Variants in L3MBTL4 observed in about 807,000 individuals in gnomAD.
The protein encoded by L3MBTL4 is lethal(3)malignant brain tumor-like protein 4.
L3MBTL4 carries 70 observed loss-of-function variants against 84.5 expected under a neutral mutation model. The ratio of observed to expected loss-of-function variants is 0.83; its 90% CI spans 0.68 to 1.01. L3MBTL4 has a LOEUF of 1.01. Among genes scored for constraint, L3MBTL4 ranks in the 50% least tolerant of loss-of-function variants. The pLI is 0.00. For synonymous variants in L3MBTL4, 274 were observed against 259.8 expected, an observed-to-expected ratio of 1.05 and a Z score of -0.52; for missense variants, 715 against 754.8, an observed-to-expected ratio of 0.95 and a Z score of 0.62.
intron 12 of L3MBTL4, among the ~76,000 whole-genome samples, chr18:6,205,552 T>TAATAGG (rs1341479875): frequency 1.3e-5 from 2 of 152,346 alleles, no homozygotes; most frequent in East Asian, 3.9e-4. Flanking sequence ...GTTAAAGTAG[T>TAATAGG]AATAGGAAAG....
At chr18:6,297,325 G>C (rs1568453727) in intron 4 of L3MBTL4, among the ~76,000 whole-genome samples, 1 of 152,174 alleles carries the variant, frequency 6.6e-6, no homozygotes, top group Non-Finnish European at 1.5e-5. Context: ...GTGATATTCT[G>C]GGCTGTCTTG....
intron 14 of L3MBTL4, among the ~76,000 whole-genome samples, chr18:6,102,976 G>T (rs1244281695): frequency 2.6e-5 from 4 of 152,166 alleles, no homozygotes. Context: ...CCTTCCTCTA[G>T]AATATCTTAG....
rs532275115 is a variant in L3MBTL4 at position 6,177,937 on chromosome 18, AT to A, written c.982-5996del. 2.5e-3 allele frequency among the ~76,000 whole-genome samples: 379 copies of A among 152,186 alleles called. 1 individual carries two copies. The highest frequency in any genetic ancestry group is 3.5e-3 in the Non-Finnish European group (239 of 67,992). On this transcript the variant is annotated intron_variant, in intron 12 of 18. Coordinates refer to ENST00000317931, the MANE Select transcript of L3MBTL4 (RefSeq NM_001330559.2). ...CTTCCCCTTTTAAGTCTGGGGTGCA[AT>A]TTTTTTATGTTTCAAAAGCAAGGAA...
intron 16 of L3MBTL4, among the ~76,000 whole-genome samples, chr18:6,040,818 T>A (rs111991412): frequency 2.0e-5 from 3 of 152,174 alleles, no homozygotes. Context: ...ATCCTGCCAT[T>A]CCCATGGCTG....
At chr18:6,241,940 C>T (rs544732998) in intron 7 of L3MBTL4, among the ~76,000 whole-genome samples, 42 of 152,278 alleles carry the variant, frequency 2.8e-4, no homozygotes, top group South Asian at 1.9e-3. Flanking sequence ...GGCACAGAAA[C>T]GCCTTCTCAA....
At chr18:6,286,165 CT>C (rs1315348060) in intron 4 of L3MBTL4, among the ~76,000 whole-genome samples, 1 of 151,698 alleles carries the variant, frequency 6.6e-6, no homozygotes, top group African/African-American at 2.4e-5. Flanking sequence ...AACATTTCCC[CT>C]TCTTATAAAA....
At chr18:6,125,776 A>C (rs2059675234) in intron 14 of L3MBTL4, among the ~76,000 whole-genome samples, 1 of 152,220 alleles carries the variant, frequency 6.6e-6, no homozygotes, top group Non-Finnish European at 1.5e-5. Flanking sequence ...AGCATACCTG[A>C]ATAAAATACC....
chr18:6,374,547 T>C (rs1206644246), intron 1 of L3MBTL4: 1 of 154,766 alleles, frequency 6.5e-6, no homozygotes, highest in South Asian at 2.0e-4. Flanking sequence ...CAAAAAGCTG[T>C]ACAAATAAAG....
intron 14 of L3MBTL4, among the ~76,000 whole-genome samples, chr18:6,101,666 T>C (rs753441977): frequency 2.0e-5 from 3 of 152,240 alleles, no homozygotes; most frequent in Admixed American, 6.5e-5. Flanking sequence ...AATCCACTCA[T>C]GTGTCAGTCT....
chr18:6,256,837 C>T, intron 5 of L3MBTL4: 1 of 152,404 alleles, frequency 6.6e-6, no homozygotes. Context: ...CGTGGGCAGG[C>T]CAGGCTGGAA....
chr18:6,412,808 T>C (rs978228512), intron 1 of L3MBTL4, among the ~76,000 whole-genome samples: 10 of 152,110 alleles, frequency 6.6e-5, no homozygotes, highest in Non-Finnish European at 1.3e-4. Context: ...ACCACACAGG[T>C]ACTGTAATGA....
intron 16 of L3MBTL4, among the ~76,000 whole-genome samples, chr18:6,035,049 C>T (rs2056053887): frequency 6.6e-6 from 1 of 151,660 alleles, no homozygotes; most frequent in African/African-American, 2.4e-5. Flanking sequence ...TGGATATTAG[C>T]CCTTTGTCAG....
chr18:5,999,275 T>G (rs190631504), intron 16 of L3MBTL4, among the ~76,000 whole-genome samples: 1 of 152,256 alleles, frequency 6.6e-6, no homozygotes, highest in Non-Finnish European at 1.5e-5. Context: ...CTAGTTCAGA[T>G]GCTATCTTCT....
intron 16 of L3MBTL4, among the ~76,000 whole-genome samples, chr18:5,982,763 C>T (rs987571871): frequency 6.6e-6 from 1 of 152,118 alleles, no homozygotes. Flanking sequence ...CACACATATG[C>T]TTAAGAGGGA....
intron 12 of L3MBTL4, among the ~76,000 whole-genome samples, chr18:6,181,327 T>A (rs1033038996): frequency 4.0e-5 from 6 of 151,700 alleles, no homozygotes; most frequent in Admixed American, 6.6e-5. Context: ...TTTTTCTTCT[T>A]TTTTTTTGTT....
chr18:6,178,627 G>A (rs998804854), intron 12 of L3MBTL4, among the ~76,000 whole-genome samples: 2 of 152,250 alleles, frequency 1.3e-5, no homozygotes, highest in South Asian at 4.1e-4. Context: ...AGAAAACAAA[G>A]GTCAGATCAC....
At chr18:6,200,690 C>T (rs1568305277) in intron 12 of L3MBTL4, among the ~76,000 whole-genome samples, 2 of 152,136 alleles carry the variant, frequency 1.3e-5, no homozygotes, top group Non-Finnish European at 2.9e-5. Context: ...AGGGAGGAAG[C>T]ATCATATAAA....
intron 1 of L3MBTL4, among the ~76,000 whole-genome samples, chr18:6,408,228 G>T (rs62079207): frequency 0.13 from 19,343 of 152,196 alleles, 1,443 homozygotes; most frequent in African/African-American, 0.2. Context: ...CCAACTCCCA[G>T]ATTTAATCAA....
chr18:5,969,042 T>G (rs2052498505), intron 17 of L3MBTL4, among the ~76,000 whole-genome samples: 1 of 152,084 alleles, frequency 6.6e-6, no homozygotes. Flanking sequence ...AAGCCTCAGA[T>G]GCTTGCACAT....
Sources: allele counts gnomAD v4.1 joint callset (sites outside exome capture counted in the v4.1 genomes callset), GRCh38; gene constraint gnomAD v4.1.1; transcripts MANE v1.5; gene names NCBI Gene and HGNC (gene_info 2026-07-23, HGNC 2026-07-21).